Variants in C4orf50 observed in about 807,000 individuals in gnomAD.
C4orf50 encodes uncharacterized protein C4orf50.
Under a neutral mutation model 77.2 loss-of-function variants are expected in C4orf50, and 80 were observed. The ratio of observed to expected loss-of-function variants is 1.04; its 90% confidence interval spans 0.87 to 1.25. The LOEUF (loss-of-function observed/expected upper bound fraction) is 1.25. Among genes scored for constraint, C4orf50 ranks in the 50% most tolerant of loss-of-function variants. C4orf50 has a pLI of 0.00. For missense variants in C4orf50, 1,257 were observed against 1,152.9 expected (o/e 1.09, Z -1.31); for synonymous variants, 532 against 465.3 (o/e 1.14, Z -1.84).
At chr4:5,983,520 C>T (rs1461351149) in intron 28 of C4orf50, among the ~76,000 whole-genome samples, 2 of 152,218 alleles carry the variant, frequency 1.3e-5, no homozygotes, top group Admixed American at 1.3e-4. Flanking sequence ...CTCAGCTCAA[C>T]ATTCAACTCC....
In C4orf50 at chr4:5,992,710, C is replaced by A; in HGVS notation, c.1221+93G>T. 1 of 398,634 alleles carries A rather than the reference C, an allele frequency of 2.5e-6. No homozygotes were observed. The highest frequency in any genetic ancestry group is 4.4e-6 in the Non-Finnish European group (1 of 226,014). The allele number at this position is 398,634 out of a possible 1,614,324, so 24.7% of individuals were successfully genotyped here. A position where few individuals can be genotyped will look rare whatever the true frequency, so the allele number is the denominator to read the frequency against. On this transcript the variant is annotated intron_variant, in intron 27 of 33. Coordinates refer to ENST00000531445, the Ensembl canonical transcript of C4orf50. The surrounding 1 kb of genome is among the most constrained non-coding windows in gnomAD (Gnocchi z 5.0). ...CAGACCTGGAGCTTCTTTACCCCTC[C>A]CACATCCTGCGTGTGGCCACATAGC...
At chr4:5,986,246 G>T (rs1452716863) in intron 28 of C4orf50, among the ~76,000 whole-genome samples, 1 of 152,140 alleles carries the variant, frequency 6.6e-6, no homozygotes, top group Non-Finnish European at 1.5e-5. Context: ...CCACAACCTG[G>T]TCAATAAAAC....
At chr4:5,995,046 T>G (rs1721503933) in intron 25 of C4orf50, among the ~76,000 whole-genome samples, 1 of 152,110 alleles carries the variant, frequency 6.6e-6, no homozygotes. Flanking sequence ...CCTCACCCCC[T>G]GCCCATGGAA....
At chr4:5,928,673 T>C (rs746086113) in intron 7 of C4orf50, among the ~76,000 whole-genome samples, 13 of 152,218 alleles carry the variant, frequency 8.5e-5, no homozygotes, top group Non-Finnish European at 1.8e-4. Flanking sequence ...CTACTGCAGA[T>C]GGCACCTTCT....
chr4:5,920,830 A>C (rs1410006624), intron 7 of C4orf50, among the ~76,000 whole-genome samples: 1 of 152,176 alleles, frequency 6.6e-6, no homozygotes, highest in Non-Finnish European at 1.5e-5. Flanking sequence ...AGCAAACGCA[A>C]ACAACTCCGT....
chr4:6,004,279 G>GAT (rs1553920307), intron 25 of C4orf50, among the ~76,000 whole-genome samples: 1 of 72,984 alleles, frequency 1.4e-5, no homozygotes, highest in African/African-American at 5.3e-5. Context: ...TGATGGTGAT[G>GAT]GTGATGTTGG....
At chr4:5,922,022 C>T (rs1029931397) in intron 7 of C4orf50, among the ~76,000 whole-genome samples, 3 of 152,142 alleles carry the variant, frequency 2.0e-5, no homozygotes, top group Non-Finnish European at 4.4e-5. Flanking sequence ...TGCTCTGCCC[C>T]CAGTATGCTG....
At chr4:5,987,668 A>G (rs1720951794) in intron 28 of C4orf50, among the ~76,000 whole-genome samples, 1 of 151,724 alleles carries the variant, frequency 6.6e-6, no homozygotes, top group African/African-American at 2.4e-5. Context: ...ACAGGAAAGG[A>G]GGGAGAGAGG....
chr4:5,933,197 T>C (rs1025226375), intron 7 of C4orf50, among the ~76,000 whole-genome samples: 10 of 152,336 alleles, frequency 6.6e-5, no homozygotes, highest in African/African-American at 2.4e-4. Flanking sequence ...GGAAGAAGGA[T>C]CAGATGCTGG....
At position 5,997,571 on chromosome 4, in the gene C4orf50, A is replaced by G. The variant is rs1721650700; in HGVS notation, c.964-3095T>C. On this transcript the variant is annotated intron_variant, in intron 25 of 33. Transcript: ENST00000531445. ...AACTTTCTGCCTCCCTGCCTGCTCT[A>G]TCAGTCCATCCTACATTTCAACCCT... Among the ~76,000 whole-genome samples the G allele has an allele frequency of 2.6e-5, 4 of 152,208 alleles. No individual in the cohort carries two copies. The South Asian group carries it at 8.3e-4, about 32-fold the overall frequency.
In C4orf50 at chr4:5,932,350, C is replaced by T. The variant is rs541363092; in HGVS notation, c.*2474+24551G>A. Among the ~76,000 whole-genome samples the T allele has an allele frequency of 9.2e-5, 14 of 152,292 alleles. No individual in the cohort carries two copies. The highest frequency in any genetic ancestry group is 2.0e-4 in the Admixed American group (3 of 15,298). On this transcript the variant is annotated intron_variant, in intron 7 of 7. Transcript: ENST00000324058. The surrounding 1 kb of genome is among the most constrained non-coding windows in gnomAD (Gnocchi z 4.2). ...AGCCATCAAAGAGGGAGGCAGGCAG[C>T]GGACAGCTTGCCTGGTGCTGTCCTG...
chr4:5,976,045 G>C, intron 29 of C4orf50, 90 bp from the exon 8 acceptor site: 1 of 1,020,672 alleles, frequency 9.8e-7, no homozygotes, highest in Admixed American at 1.8e-5. Context: ...AGAACAGCTG[G>C]CAGTTGCCTG....
At chr4:5,929,746 C>T (rs983258400) in intron 7 of C4orf50, among the ~76,000 whole-genome samples, 2 of 152,232 alleles carry the variant, frequency 1.3e-5, no homozygotes, top group Admixed American at 1.3e-4. Flanking sequence ...TGAAATTCCC[C>T]ATCTGTGTGC....
chr4:5,994,527 T>A, intron 25 of C4orf50, 51 bp from the exon 4 acceptor site: 1 of 399,144 alleles, frequency 2.5e-6, no homozygotes, highest in Non-Finnish European at 4.4e-6. Context: ...GGCTGAAGTG[T>A]GTACTCCAAG....
chr4:6,006,956 A>T (rs1240229299), intron 25 of C4orf50, among the ~76,000 whole-genome samples: 1 of 152,212 alleles, frequency 6.6e-6, no homozygotes, highest in East Asian at 1.9e-4. Flanking sequence ...GGGAGAAGAG[A>T]TGACTGCTTC....
rs985703402 is a variant in C4orf50, at chr4:6,018,480, T to G, written c.-49A>C. 2 of 398,652 alleles carry G rather than the reference T, an allele frequency of 5.0e-6. No homozygotes were observed. Among genetic ancestry groups the G allele is most frequent in the Non-Finnish European group, 8.8e-6 (2 of 226,076 alleles). The allele number at this position is 398,652 out of a possible 1,614,324, so 24.7% of individuals were successfully genotyped here. On this transcript the variant is annotated 5_prime_UTR_variant, in exon 23 of 34. Coordinates refer to ENST00000531445, the Ensembl canonical transcript of C4orf50. This position sits in a 1 kb window ranked among gnomAD's most constrained non-coding sequence, Gnocchi z 5.1. ...GACTTAATAATAAAATTAAGTGAGT[T>G]TGCAACATTGACTTCCCGGAGATTT...
At position 5,961,336 on chromosome 4, in the gene C4orf50, A is replaced by G. The variant is rs191127994; in HGVS notation, c.4276-1710T>C. On this transcript the variant is annotated intron_variant, in intron 33 of 33. Transcript: ENST00000531445. ...TCTCAAAAACAACAACTATAATAATAATGATAAGGATAGTTTAAGCCATAT... is the reference window on the plus strand; with the variant it reads ...TCTCAAAAACAACAACTATAATAATGATGATAAGGATAGTTTAAGCCATAT... Among the ~76,000 whole-genome samples the G allele has an allele frequency of 7.2e-5, 11 of 152,328 alleles. No individual in the cohort carries two copies. The East Asian group carries it at 2.1e-3, about 29-fold the overall frequency.
chr4:5,993,464 G>A (rs73212662), intron 26 of C4orf50, among the ~76,000 whole-genome samples: 12,493 of 152,268 alleles, frequency 0.082, 605 homozygotes, highest in African/African-American at 0.14. Flanking sequence ...GTTGGCCGCC[G>A]TGGCTGTCAG....
intron 7 of C4orf50, among the ~76,000 whole-genome samples, chr4:5,917,410 T>C (rs1276923437): frequency 9.6e-6 from 1 of 103,888 alleles, no homozygotes; most frequent in Admixed American, 8.7e-5. Flanking sequence ...GTATTTCTTT[T>C]TTTTTTTTTT....
Sources: gnomAD v4.1 joint callset for allele counts (sites outside exome capture counted in the v4.1 genomes callset) on GRCh38, gnomAD v4.1.1 for gene constraint, Gnocchi (gnomAD v3.1) non-coding constraint, MANE v1.5 for transcripts, NCBI Gene and HGNC (gene_info 2026-07-23, HGNC 2026-07-21) for gene names.